MYO6: variants seen among roughly 807,000 people sequenced by gnomAD.
The protein encoded by MYO6 is myosin VI.
MYO6 carries 74 observed loss-of-function variants against 178.7 expected under a neutral mutation model. That is an observed-to-expected ratio of 0.41 (90% confidence interval 0.34 to 0.50). The LOEUF is 0.50. Ranked by LOEUF, MYO6 falls within the 20% of genes least tolerant of loss-of-function variation. The pLI is 0.09. For missense variants in MYO6, 1,330 were observed against 1,547.4 expected (o/e 0.86, Z 2.36); for synonymous variants, 477 against 504.6 (o/e 0.95, Z 0.73).
intron 14 of MYO6, among the ~76,000 whole-genome samples, chr6:75,859,374 A>T (rs1583292224): frequency 6.6e-6 from 1 of 150,552 alleles, no homozygotes; most frequent in Non-Finnish European, 1.5e-5. Context: ...ATCTCGGCTC[A>T]CTGCAGCCTC....
intron 30 of MYO6, among the ~76,000 whole-genome samples, chr6:75,900,959 C>A (rs1174595062): frequency 6.6e-6 from 1 of 150,456 alleles, no homozygotes. Flanking sequence ...TATGACTAGC[C>A]AGTTTTCCCA....
intron 32 of MYO6, among the ~76,000 whole-genome samples, chr6:75,909,081 G>T (rs748909353): frequency 6.6e-6 from 1 of 152,068 alleles, no homozygotes; most frequent in Non-Finnish European, 1.5e-5. Context: ...ATAGAGATGA[G>T]GTCTTGCCAT....
rs138193115 is a variant in MYO6 at position 75,919,119 on chromosome 6, C to CAA, written c.*4112_*4113dup. On this transcript the variant is annotated 3_prime_UTR_variant, in exon 35 of 35. Transcript: ENST00000369977. ...GGGCAACAAGAGCGAAATTCCATCT[C>CAA]AAAAAATAAAATAGATTTAGGGGGT... The CAA allele has an allele frequency of 8.0e-4, 121 of 150,326 alleles. No individual in the cohort carries two copies. Among genetic ancestry groups the CAA allele is most frequent in the African/African-American group, 1.4e-3 (58 of 41,002 alleles). 9.3% of individuals were successfully genotyped at this position (150,326 alleles called of 1,614,324 possible). A position where few individuals can be genotyped will look rare whatever the true frequency, so the allele number is the denominator to read the frequency against.
chr6:75,777,684 C>G (rs528075878), intron 1 of MYO6, among the ~76,000 whole-genome samples: 1 of 151,954 alleles, frequency 6.6e-6, no homozygotes, highest in East Asian at 1.9e-4. Context: ...CTGTCTGCCC[C>G]CTGTGGCCTC....
chr6:75,806,394 A>T (rs1770090374), intron 1 of MYO6, among the ~76,000 whole-genome samples: 1 of 152,104 alleles, frequency 6.6e-6, no homozygotes, highest in Non-Finnish European at 1.5e-5. Context: ...TCTCAAAAAA[A>T]AAAAAAAAAT....
chr6:75,780,644 C>T (rs1328580983), intron 1 of MYO6, among the ~76,000 whole-genome samples: 1 of 151,968 alleles, frequency 6.6e-6, no homozygotes, highest in Non-Finnish European at 1.5e-5. Flanking sequence ...GAACATAGAG[C>T]TATGTTTAGC....
chr6:75,749,622 C>G (rs1776669546), intron 1 of MYO6, among the ~76,000 whole-genome samples, 199 bp downstream of exon 1: 1 of 152,176 alleles, frequency 6.6e-6, no homozygotes, highest in Admixed American at 6.5e-5. Context: ...TCGTTTCCAC[C>G]GAAAGACAAT....
chr6:75,880,020 A>C, intron 21 of MYO6, 23 bp from the exon 22 acceptor site: 1 of 1,613,198 alleles, frequency 6.2e-7, no homozygotes, highest in South Asian at 1.1e-5. Flanking sequence ...TTGACATTTA[A>C]CTTTTTAACT....
intron 1 of MYO6, among the ~76,000 whole-genome samples, chr6:75,757,381 A>ATG (rs1402364769): frequency 6.7e-6 from 1 of 149,160 alleles, no homozygotes; most frequent in African/African-American, 2.5e-5. Context: ...GTGTATATAT[A>ATG]TGTATACACA....
intron 23 of MYO6, among the ~76,000 whole-genome samples, chr6:75,883,473 ATTC>A (rs1778200638): frequency 1.3e-5 from 2 of 152,130 alleles, no homozygotes; most frequent in African/African-American, 4.8e-5. Context: ...TCTTTTTGGA[ATTC>A]TTCTGTGATT....
intron 2 of MYO6, among the ~76,000 whole-genome samples, chr6:75,818,906 T>G (rs2150171995): frequency 6.6e-6 from 1 of 152,296 alleles, no homozygotes; most frequent in Non-Finnish European, 1.5e-5. Flanking sequence ...ATTTGAAGGC[T>G]TTTGATTTTT....
chr6:75,901,623 G>C (rs1460001284), intron 30 of MYO6, among the ~76,000 whole-genome samples: 1 of 152,042 alleles, frequency 6.6e-6, no homozygotes, highest in African/African-American at 2.4e-5. Context: ...GGAGATTTTG[G>C]GCTGAGACAA....
chr6:75,855,845 G>T (rs559385437), intron 12 of MYO6, among the ~76,000 whole-genome samples: 1 of 152,092 alleles, frequency 6.6e-6, no homozygotes, highest in Admixed American at 6.6e-5. Flanking sequence ...GAATAAAATT[G>T]ACATTCAGCC....
rs1010233103 is a variant in MYO6 at position 75,778,470 on chromosome 6, G to A, written c.-48+29047G>A. On this transcript the variant is annotated intron_variant, in intron 1 of 34. Coordinates refer to ENST00000369977, the MANE Select transcript of MYO6 (RefSeq NM_004999.4). ...AAATTAGCCGGGCGTGATGGCGGGC[G>A]CCTGTAGTCCCAGCTACTCAGGCGG... Among the ~76,000 whole-genome samples the A allele has an allele frequency of 5.9e-5, 9 of 151,888 alleles. 1 individual carries two copies. Among genetic ancestry groups the A allele is most frequent in the South Asian group, 2.1e-4 (1 of 4,818 alleles).
chr6:75,888,244 T>G (rs752965409), intron 25 of MYO6, among the ~76,000 whole-genome samples: 2 of 152,134 alleles, frequency 1.3e-5, no homozygotes, highest in Non-Finnish European at 2.9e-5. Flanking sequence ...ATTGTGCCAC[T>G]GCACTCCTGC....
At chr6:75,814,849 A>G (rs1452988812) in intron 1 of MYO6, among the ~76,000 whole-genome samples, 1 of 151,596 alleles carries the variant, frequency 6.6e-6, no homozygotes, top group Admixed American at 6.6e-5. Flanking sequence ...CCTGGGTGAT[A>G]GAAAGACCCA....
At chr6:75,793,853 A>C (rs1768505170) in intron 1 of MYO6, among the ~76,000 whole-genome samples, 1 of 152,214 alleles carries the variant, frequency 6.6e-6, no homozygotes, top group African/African-American at 2.4e-5. Flanking sequence ...GAACATCCCT[A>C]CCAAAAAGTT....
chr6:75,840,989 A>C (rs1774160527), intron 8 of MYO6, among the ~76,000 whole-genome samples: 1 of 152,214 alleles, frequency 6.6e-6, no homozygotes, highest in Non-Finnish European at 1.5e-5. Context: ...AAAACTTAAC[A>C]GGATTTGGGT....
chr6:75,905,532 C>G (rs1214610650), intron 30 of MYO6, among the ~76,000 whole-genome samples: 1 of 152,242 alleles, frequency 6.6e-6, no homozygotes, highest in Non-Finnish European at 1.5e-5. Flanking sequence ...AACTCCCTGA[C>G]CCCTTGCTCT....
Sources: allele counts gnomAD v4.1 joint callset (sites outside exome capture counted in the v4.1 genomes callset), GRCh38; gene constraint gnomAD v4.1.1; transcripts MANE v1.5; gene names NCBI Gene and HGNC (gene_info 2026-07-23, HGNC 2026-07-21).